Variants in MTUS1 observed in about 807,000 individuals in gnomAD.
MTUS1 encodes the protein microtubule associated scaffold protein 1.
MTUS1 carries 109 observed loss-of-function variants against 120.8 expected under a neutral mutation model. The observed-to-expected ratio is 0.90, with a 90% CI of 0.77 to 1.06. MTUS1 has a LOEUF of 1.06. MTUS1 is among the 50% of genes least tolerant of loss of function. MTUS1 has a pLI of 0.00. For synonymous variants in MTUS1, 737 were observed against 550.5 expected, an observed-to-expected ratio of 1.34 and a Z score of -4.74; for missense variants, 2,210 against 1,486.3, an observed-to-expected ratio of 1.49 and a Z score of -8.01.
intron 5 of MTUS1, among the ~76,000 whole-genome samples, chr8:17,714,804 ATG>A (rs1255334987): frequency 6.7e-6 from 1 of 150,126 alleles, no homozygotes; most frequent in Non-Finnish European, 1.5e-5. Context: ...TCTAACATAA[ATG>A]TGGGTCTCAT....
At chr8:17,767,532 T>A (rs1277566002) in intron 1 of MTUS1, among the ~76,000 whole-genome samples, 1 of 113,912 alleles carries the variant, frequency 8.8e-6, no homozygotes, top group Non-Finnish European at 2.1e-5. Flanking sequence ...CCCCATCTCT[T>A]TAAAAAAAAA....
chr8:17,711,827 G>A (rs73204289), intron 6 of MTUS1, among the ~76,000 whole-genome samples: 2 of 152,264 alleles, frequency 1.3e-5, no homozygotes, highest in African/African-American at 4.8e-5. Context: ...ATATTCAGAG[G>A]TCATTATAGG....
At chr8:17,661,092 G>A (rs1241040141) in intron 8 of MTUS1, among the ~76,000 whole-genome samples, 1 of 152,208 alleles carries the variant, frequency 6.6e-6, no homozygotes, top group East Asian at 1.9e-4. Flanking sequence ...AACCACAGAA[G>A]AAAAAATGAC....
intron 1 of MTUS1, among the ~76,000 whole-genome samples, chr8:17,795,700 T>G (rs1007891474): frequency 6.6e-6 from 1 of 152,048 alleles, no homozygotes; most frequent in Non-Finnish European, 1.5e-5. Context: ...AGGGCAGTGA[T>G]GCGATCTCGG....
At chr8:17,681,580 T>C (rs1266527470) in intron 7 of MTUS1, 2 of 154,800 alleles carry the variant, frequency 1.3e-5, no homozygotes, top group Admixed American at 6.5e-5. Context: ...ACTTAGTAAA[T>C]ATTAGGCTGG....
intron 1 of MTUS1, among the ~76,000 whole-genome samples, chr8:17,777,221 G>C (rs1363480922): frequency 4.6e-5 from 7 of 152,116 alleles, no homozygotes; most frequent in Non-Finnish European, 8.8e-5. Context: ...TGGATCACCT[G>C]AGGTCATGAG....
chr8:17,644,551 C>G lies in MTUS1; in HGVS notation c.*1375G>C, dbSNP rs201741894. The G allele has an allele frequency of 6.6e-6, 1 of 151,632 alleles. No homozygotes were observed. Among genetic ancestry groups the G allele is most frequent in the Non-Finnish European group, 1.5e-5 (1 of 67,580 alleles). The allele number at this position is 151,632 out of a possible 1,614,324, so 9.4% of individuals were successfully genotyped here. A position where few individuals can be genotyped will look rare whatever the true frequency, so the allele number is the denominator to read the frequency against. ...AAATGCAACCTGGAGGAGAGTTGGA[C>G]AAGCCACATTTTCCACTCATGGGAA... On this transcript the variant is annotated 3_prime_UTR_variant, in exon 15 of 15. Coordinates refer to ENST00000693296, the MANE Select transcript of MTUS1 (RefSeq NM_001363059.2).
Position 17,697,984 on chromosome 8 carries a change from G to GT in MTUS1, c.2624-13443dup, listed in dbSNP as rs887165097. ...CATTTAAACCTGGTATTTTGGAAAA[G>GT]TTTTTTTTTTAAAGACTTCAGGCAA... On this transcript the variant is annotated intron_variant, in intron 6 of 14. Coordinates refer to ENST00000693296, the MANE Select transcript of MTUS1 (RefSeq NM_001363059.2). Among the ~76,000 whole-genome samples, 1,100 of 148,968 alleles carry GT rather than the reference G, an allele frequency of 7.4e-3. 13 individuals carry two copies. Among genetic ancestry groups the GT allele is most frequent in the African/African-American group, 0.022 (904 of 40,724 alleles).
At chr8:17,766,143 G>C (rs1026447140) in intron 1 of MTUS1, among the ~76,000 whole-genome samples, 1 of 152,152 alleles carries the variant, frequency 6.6e-6, no homozygotes, top group South Asian at 2.1e-4. Context: ...TTGTCACCAA[G>C]TTCAAGTTTG....
intron 7 of MTUS1, among the ~76,000 whole-genome samples, chr8:17,683,831 T>C (rs1815148014): frequency 6.6e-6 from 1 of 151,792 alleles, no homozygotes; most frequent in Non-Finnish European, 1.5e-5. Context: ...CAAATCTGCT[T>C]TGCTTTTGTT....
At chr8:17,704,491 G>T (rs1483369886) in intron 6 of MTUS1, among the ~76,000 whole-genome samples, 1 of 152,084 alleles carries the variant, frequency 6.6e-6, no homozygotes, top group Non-Finnish European at 1.5e-5. Context: ...TTTGCTTGTG[G>T]ATGTCCAGTT....
chr8:17,731,713 C>G (rs1421468676), intron 3 of MTUS1, among the ~76,000 whole-genome samples: 1 of 152,086 alleles, frequency 6.6e-6, no homozygotes, highest in African/African-American at 2.4e-5. Flanking sequence ...AGGAAATGAA[C>G]AGCAGCAGAT....
rs765500843 is a variant in MTUS1, at chr8:17,724,169, T to C, written c.2288-336A>G. 6.4e-6 allele frequency: 3 copies of C among 465,482 alleles called. No homozygotes were observed. The Admixed American group carries it at 7.5e-5, about 12-fold the overall frequency. The allele number at this position is 465,482 out of a possible 1,614,324, so 28.8% of individuals were successfully genotyped here. A position where few individuals can be genotyped will look rare whatever the true frequency, so the allele number is the denominator to read the frequency against. On this transcript the variant is annotated intron_variant, in intron 3 of 14. Coordinates refer to ENST00000693296, the MANE Select transcript of MTUS1 (RefSeq NM_001363059.2). Reference sequence around the variant, plus strand: ...AAAGCAGCTTTTGGCAAAACTGAAATAAAAAAATAAACAAATTGATACGAC... The same window carrying C: ...AAAGCAGCTTTTGGCAAAACTGAAACAAAAAAATAAACAAATTGATACGAC...
intron 8 of MTUS1, among the ~76,000 whole-genome samples, chr8:17,670,294 G>C (rs1337145384): frequency 1.3e-5 from 2 of 152,170 alleles, no homozygotes; most frequent in Admixed American, 6.5e-5. Flanking sequence ...GGGAAGGAGA[G>C]AACTAGAAAA....
chr8:17,711,257 C>G (rs530442521), intron 6 of MTUS1, among the ~76,000 whole-genome samples: 1 of 152,314 alleles, frequency 6.6e-6, no homozygotes, highest in Non-Finnish European at 1.5e-5. Flanking sequence ...TAAACAGCAT[C>G]TTCTTTCAAT....
At chr8:17,727,813 A>G (rs1585995446) in intron 3 of MTUS1, among the ~76,000 whole-genome samples, 1 of 152,368 alleles carries the variant, frequency 6.6e-6, no homozygotes, top group African/African-American at 2.4e-5. Flanking sequence ...AGACTTACGT[A>G]TAGACAACAG....
intron 6 of MTUS1, among the ~76,000 whole-genome samples, chr8:17,699,586 A>T (rs532299492): frequency 6.6e-6 from 1 of 152,348 alleles, no homozygotes; most frequent in Admixed American, 6.5e-5. Context: ...ATCATCGATT[A>T]ATCAGATTCA....
At chr8:17,651,885 C>A (rs1320111891) in intron 12 of MTUS1, 3 of 152,022 alleles carry the variant, frequency 2.0e-5, no homozygotes, top group African/African-American at 7.3e-5. Flanking sequence ...CCCTGCATAT[C>A]CCTGCATGTA....
intron 8 of MTUS1, among the ~76,000 whole-genome samples, chr8:17,667,493 G>A (rs1025332596): frequency 3.3e-5 from 5 of 152,210 alleles, no homozygotes; most frequent in African/African-American, 1.2e-4. Context: ...GCAATGTGAA[G>A]TTCATAGACA....
Sources: gnomAD v4.1 joint callset for allele counts (sites outside exome capture counted in the v4.1 genomes callset) on GRCh38, gnomAD v4.1.1 for gene constraint, MANE v1.5 for transcripts, NCBI Gene and HGNC (gene_info 2026-07-23, HGNC 2026-07-21) for gene names.